CTNNA2: variants seen among roughly 807,000 people sequenced by gnomAD.
CTNNA2 encodes the protein catenin alpha 2, also known as catenin alpha-2.
Under a neutral mutation model 101.0 loss-of-function variants are expected in CTNNA2, and 42 were observed. The ratio of observed to expected loss-of-function variants is 0.42; its 90% confidence interval spans 0.32 to 0.54. CTNNA2 has a LOEUF of 0.54. Among genes scored for constraint, CTNNA2 ranks in the 20% least tolerant of loss-of-function variants. CTNNA2 has a pLI of 0.14. For missense variants in CTNNA2, 871 were observed against 1,223.1 expected, an observed-to-expected ratio of 0.71 and a Z score of 4.29; for synonymous variants, 450 against 456.4, an observed-to-expected ratio of 0.99 and a Z score of 0.18.
chr2:80,377,130 T>A (rs574853464), intron 7 of CTNNA2, among the ~76,000 whole-genome samples: 24 of 152,344 alleles, frequency 1.6e-4, no homozygotes, highest in African/African-American at 5.1e-4. Flanking sequence ...GGATTTTAAC[T>A]TGGTGAAAAT....
intron 7 of CTNNA2, among the ~76,000 whole-genome samples, chr2:80,333,449 G>A (rs1268149190): frequency 1.3e-5 from 2 of 152,178 alleles, no homozygotes; most frequent in African/African-American, 4.8e-5. Context: ...ATAAATGATG[G>A]AGATAAATAA....
At chr2:79,447,870 C>A (rs1193796707) in intron 4 of CTNNA2, among the ~76,000 whole-genome samples, 1 of 152,034 alleles carries the variant, frequency 6.6e-6, no homozygotes, top group African/African-American at 2.4e-5. Context: ...TTTCTGGCTG[C>A]ATTGATCTAA....
Position 80,469,799 on chromosome 2 carries a change from G to T in CTNNA2, c.1290+50198G>T, listed in dbSNP as rs567062962. ...TGGTAGGCAAGGGGCTTATGACATT[G>T]GTTGGTGGGGAACCTTTAAGCAAAA... On this transcript the variant is annotated intron_variant, in intron 9 of 18. Coordinates refer to ENST00000402739, the MANE Select transcript of CTNNA2 (RefSeq NM_001282597.3). Among the ~76,000 whole-genome samples the T allele has an allele frequency of 5.9e-5, 9 of 152,226 alleles. No individual in the cohort carries two copies. The South Asian group carries it at 1.7e-3, about 28-fold the overall frequency.
At chr2:80,092,806 AG>A (rs1699868874) in intron 7 of CTNNA2, among the ~76,000 whole-genome samples, 1 of 152,054 alleles carries the variant, frequency 6.6e-6, no homozygotes, top group African/African-American at 2.4e-5. Context: ...TTCCATCCAG[AG>A]GTTCCCTTGG....
At chr2:79,790,800 G>A (rs1427863621) in intron 3 of CTNNA2, among the ~76,000 whole-genome samples, 1 of 152,026 alleles carries the variant, frequency 6.6e-6, no homozygotes, top group Non-Finnish European at 1.5e-5. Context: ...CCCTATTATT[G>A]ATCGTTACTT....
At chr2:79,214,667 G>C (rs1024476720) in intron 2 of CTNNA2, among the ~76,000 whole-genome samples, 2 of 152,050 alleles carry the variant, frequency 1.3e-5, no homozygotes, top group African/African-American at 4.8e-5. Context: ...TGGGTAAGGT[G>C]GGGGGATACG....
At chr2:80,566,173 C>T (rs943302073) in intron 12 of CTNNA2, among the ~76,000 whole-genome samples, 1 of 152,082 alleles carries the variant, frequency 6.6e-6, no homozygotes, top group Non-Finnish European at 1.5e-5. Flanking sequence ...TTTAACTTGC[C>T]ACGTGGGCTT....
At chr2:79,601,473 G>A (rs1171258586) in intron 1 of CTNNA2, among the ~76,000 whole-genome samples, 1 of 152,212 alleles carries the variant, frequency 6.6e-6, no homozygotes, top group Admixed American at 6.5e-5. Context: ...AAGGAGTGAG[G>A]TCATGTGTGG....
At chr2:80,178,354 G>A (rs548205780) in intron 7 of CTNNA2, among the ~76,000 whole-genome samples, 50 of 152,292 alleles carry the variant, frequency 3.3e-4, no homozygotes, top group African/African-American at 1.0e-3. Flanking sequence ...ATAGTTGAAC[G>A]TTCAGTTTCT....
rs988323332 is a variant in CTNNA2 at position 80,311,566 on chromosome 2, C to T, written c.1057-81645C>T. ...CTTCAAGATTCCTTCTGGGAGTTTACGTGGACTTAATTCCTGCATCTTATT... is the reference window on the plus strand; with the variant it reads ...CTTCAAGATTCCTTCTGGGAGTTTATGTGGACTTAATTCCTGCATCTTATT... On this transcript the variant is annotated intron_variant, in intron 7 of 18. Coordinates refer to ENST00000402739, the MANE Select transcript of CTNNA2 (RefSeq NM_001282597.3). 3.7e-4 allele frequency among the ~76,000 whole-genome samples: 56 copies of T among 152,184 alleles called. 1 individual carries two copies. The highest frequency in any genetic ancestry group is 1.2e-3 in the African/African-American group (49 of 41,448).
intron 7 of CTNNA2, among the ~76,000 whole-genome samples, chr2:80,005,416 A>G (rs417570): frequency 0.67 from 101,504 of 152,052 alleles, 34,419 homozygotes; most frequent in East Asian, 0.84. Context: ...TCCTATCACA[A>G]AAGTTTATCA....
At chr2:79,377,285 A>G (rs1235843576) in intron 4 of CTNNA2, among the ~76,000 whole-genome samples, 3 of 152,188 alleles carry the variant, frequency 2.0e-5, no homozygotes, top group Non-Finnish European at 4.4e-5. Flanking sequence ...CATCCCAACA[A>G]TAAGGAAAAG....
rs1678724441 is a variant in CTNNA2, at chr2:79,437,070, CCAAAAATA to C, written c.-135+63065_-135+63072del. On this transcript the variant is annotated intron_variant, in intron 4 of 21. Coordinates refer to the CTNNA2 transcript ENST00000466387. ...CCAACATAGTGAAAACCTGTCTCTA[CCAAAAATA>C]CAAAAATTAGCCGGGTATGGTGGTG... 2.6e-5 allele frequency among the ~76,000 whole-genome samples: 4 copies of C among 151,880 alleles called. 1 individual carries two copies. The highest frequency in any genetic ancestry group is 2.6e-4 in the Admixed American group (4 of 15,262).
intron 4 of CTNNA2, among the ~76,000 whole-genome samples, chr2:79,386,700 C>T (rs924068756): frequency 5.3e-5 from 8 of 152,180 alleles, no homozygotes; most frequent in African/African-American, 1.9e-4. Context: ...ATAAGAAATG[C>T]TTCCAGAAAT....
intron 2 of CTNNA2, among the ~76,000 whole-genome samples, chr2:79,305,135 G>A (rs1338164043): frequency 1.3e-5 from 2 of 151,896 alleles, no homozygotes; most frequent in African/African-American, 4.8e-5. Context: ...CATAGGGATT[G>A]AAGGGAAGAA....
Position 80,051,846 on chromosome 2 carries a change from T to C in CTNNA2, c.1056+142049T>C, listed in dbSNP as rs144376647. On this transcript the variant is annotated intron_variant, in intron 7 of 18. Transcript: ENST00000402739. ...GATGTGCAGAAAAGTGCCCTTTCCA[T>C]GGGAGCAATGCCATGTCTCTGATGT... is the stretch of plus-strand genomic sequence containing the variant. Among the ~76,000 whole-genome samples the C allele has an allele frequency of 7.4e-3, 1,122 of 152,298 alleles. 10 individuals carry two copies. Among genetic ancestry groups the C allele is most frequent in the Middle Eastern group, 0.02 (6 of 294 alleles).
intron 2 of CTNNA2, among the ~76,000 whole-genome samples, chr2:79,265,844 A>G (rs568541111): frequency 9.9e-5 from 15 of 152,282 alleles, no homozygotes; most frequent in Admixed American, 3.3e-4. Context: ...ATTCTTGCAG[A>G]AAAAAATAAT....
chr2:80,532,215 T>C (rs1305548017), intron 9 of CTNNA2, among the ~76,000 whole-genome samples: 2 of 152,174 alleles, frequency 1.3e-5, no homozygotes, highest in Non-Finnish European at 2.9e-5. Flanking sequence ...CCCTTATCCA[T>C]AGTTTTGCTT....
At chr2:80,623,464 A>ATAT (rs1245261245) in intron 18 of CTNNA2, among the ~76,000 whole-genome samples, 1 of 151,958 alleles carries the variant, frequency 6.6e-6, no homozygotes, top group Non-Finnish European at 1.5e-5. Context: ...ACATTGAGGT[A>ATAT]TATAAGTATT....
Sources: allele counts gnomAD v4.1 joint callset (sites outside exome capture counted in the v4.1 genomes callset), GRCh38; gene constraint gnomAD v4.1.1; transcripts MANE v1.5; gene names NCBI Gene and HGNC (gene_info 2026-07-23, HGNC 2026-07-21).